The following CMYA5 variants were observed in gnomAD, a reference collection of about 807,000 sequenced individuals.
CMYA5 encodes cardiomyopathy associated 5.
A neutral mutation model predicts 318.9 loss-of-function variants in CMYA5; 246 were observed. That is an observed-to-expected ratio of 0.77 (90% CI 0.70 to 0.86). The LOEUF (loss-of-function observed/expected upper bound fraction) is 0.86. CMYA5 is among the 40% of genes least tolerant of loss of function. The pLI is 0.00. For missense variants in CMYA5, 4,589 were observed against 4,678.2 expected (o/e 0.98, Z 0.56); for synonymous variants, 1,641 against 1,729.5 (o/e 0.95, Z 1.27).
chr5:79,742,486 C>T (rs1460124336), intron 2 of CMYA5, among the ~76,000 whole-genome samples: 2 of 152,088 alleles, frequency 1.3e-5, no homozygotes, highest in African/African-American at 4.8e-5. Flanking sequence ...TGCAGCTGGC[C>T]AGTTGGCAAC....
chr5:79,730,716 A>C lies in CMYA5; in HGVS notation c.1951A>C (p.Ser651Arg), dbSNP rs57544556. The part of the protein sequence containing the change: ...YSPAAAPTSE[S>R]SLSPSTTEKT... ...CCCAGCTGCAGCCCCTACATCTGAG[A>C]GCTCTCTCTCACCATCCACAACTGA... Residue 651 changes from serine (S) to arginine (R), a missense_variant, in exon 2 of 13, where the codon AGC (serine) becomes CGC (arginine). Ser to Arg is a moderately radical substitution (Grantham distance 110). This residue lies in a region of CMYA5 where 2,132 missense variants were observed against 2,131.3 expected (regional missense o/e 1.00). Transcript: ENST00000446378. 189,824 of 1,613,654 alleles carry C rather than the reference A, an allele frequency of 0.12. 20,896 individuals are homozygous for C. Among genetic ancestry groups the C allele is most frequent in the African/African-American group, 0.51 (38,096 of 74,942 alleles).
In CMYA5 at chr5:79,731,569, CAGA is replaced by C. The variant is rs759309327; in HGVS notation, c.2811_2813del (p.Glu937del). Reference sequence around the variant, plus strand: ...GGTGCATCCTCACCCATGAATTTATCAGAAGAAGATCAAGAAGACATTGGACCT... The same window carrying C: ...GGTGCATCCTCACCCATGAATTTATCAGAAGATCAAGAAGACATTGGACCT... On this transcript the variant is annotated inframe_deletion, in exon 2 of 13. Coordinates refer to ENST00000446378, the MANE Select transcript of CMYA5 (RefSeq NM_153610.5). 6.8e-6 allele frequency: 11 copies of C among 1,610,328 alleles called. No homozygotes were observed. Among genetic ancestry groups the C allele is most frequent in the Middle Eastern group, 1.7e-4 (1 of 6,030 alleles).
chr5:79,732,629 A>G lies in CMYA5; in HGVS notation c.3864A>G (p.Thr1288=). The G allele has an allele frequency of 2.5e-6, 4 of 1,613,426 alleles. No homozygotes were observed. Among genetic ancestry groups the G allele is most frequent in the Non-Finnish European group, 3.4e-6 (4 of 1,179,684 alleles). Residue 1288 remains threonine, a synonymous_variant, in exon 2 of 13, where the codon ACA becomes ACG. Coordinates refer to ENST00000446378, the MANE Select transcript of CMYA5 (RefSeq NM_153610.5). ...AACCATATTCACCTCTAAAGGAAACATCTTTATCTGGACCTGAGGCTTTAT... is the reference window on the plus strand; with the variant it reads ...AACCATATTCACCTCTAAAGGAAACGTCTTTATCTGGACCTGAGGCTTTAT... ...VIKPYSPLKE[T]SLSGPEALSA...
Position 79,730,884 on chromosome 5 carries a change from A to T in CMYA5, c.2119A>T (p.Thr707Ser). ...TGAATATTCAGTTCCATCACTGGCA[A>T]CAAAAGAGTCACTGAAGAAAACAAT... ...ASEYSVPSLA[T>S]KESLKKTIDR... The change falls in exon 2 of 13, where the codon ACA becomes TCA. Residue 707 changes from threonine (T) to serine (S), a missense_variant. Around this residue, in one of 3 missense-constraint regions of CMYA5, gnomAD observed 2,132 missense variants for 2,131.3 expected, o/e 1.00. Transcript: ENST00000446378. 1 of 1,613,986 alleles carries T rather than the reference A, an allele frequency of 6.2e-7. No individual in the cohort carries two copies. The highest frequency in any genetic ancestry group is 8.5e-7 in the Non-Finnish European group (1 of 1,179,882).
chr5:79,784,939 C>A (rs1361984986), intron 9 of CMYA5, among the ~76,000 whole-genome samples: 2 of 152,108 alleles, frequency 1.3e-5, no homozygotes, highest in Non-Finnish European at 2.9e-5. Flanking sequence ...TCTTGGCTCC[C>A]AGTAATTTCA....
Position 79,714,435 on chromosome 5 carries a change from T to TTCTTTTTC in CMYA5, c.150-14479_150-14478insCTTTTTCT, listed in dbSNP as rs1198502450. ...TCTGATATCTTTTTTCTTTTTCTTT[T>TTCTTTTTC]TTTTTTTTTTTTTTTTGAGATGGGG... On this transcript the variant is annotated intron_variant, in intron 1 of 12. Transcript: ENST00000446378. 3.9e-4 allele frequency among the ~76,000 whole-genome samples: 54 copies of TTCTTTTTC among 138,172 alleles called. No homozygotes were observed. The East Asian group carries it at 7.6e-3, about 19-fold the overall frequency. 90.6% of individuals were successfully genotyped at this position (138,172 alleles called of 152,430 possible). A position where few individuals can be genotyped will look rare whatever the true frequency, so the allele number is the denominator to read the frequency against.
At chr5:79,751,600 T>A (rs1561219123) in intron 5 of CMYA5, among the ~76,000 whole-genome samples, 1 of 152,216 alleles carries the variant, frequency 6.6e-6, no homozygotes, top group Non-Finnish European at 1.5e-5. Flanking sequence ...ATCACTGAGA[T>A]CCTGATATCC....
chr5:79,747,142 C>T, intron 5 of CMYA5, 29 bp downstream of exon 5: 1 of 1,532,576 alleles, frequency 6.5e-7, no homozygotes, highest in East Asian at 2.5e-5. Context: ...AATGTAGTGG[C>T]AAACAGCATG....
rs77668772 is a variant in CMYA5 at position 79,778,697 on chromosome 5, G to C, written c.11556-10274G>C. Among the ~76,000 whole-genome samples, 1,228 of 150,910 alleles carry C rather than the reference G, an allele frequency of 8.1e-3. 25 individuals are homozygous for C. Among genetic ancestry groups the C allele is most frequent in the South Asian group, 0.068 (325 of 4,766 alleles). On this transcript the variant is annotated intron_variant, in intron 9 of 12. Transcript: ENST00000446378. The stretch of plus-strand genomic sequence containing the variant: ...TTCAAATCTTTAAAAATTTTTTACC[G>C]TGCATATTTTTTATAATAATTGAGT...
rs775173473 is a variant in CMYA5, at chr5:79,790,985, T to C, written c.11705T>C (p.Leu3902Ser). Residue 3902 changes from leucine to serine, a missense_variant, in exon 11 of 13, where the codon TTG (leucine) becomes TCG (serine). Coordinates refer to ENST00000446378, the MANE Select transcript of CMYA5 (RefSeq NM_153610.5). The part of the protein sequence containing the change: ...LISTRGTRFL[L>S]LRETAHPALH... ...CCTGCAATAGGAACCAGATTTCTCT[T>C]GTTGAGAGAAACAGCTCATCCTGCT... 2.5e-6 allele frequency: 4 copies of C among 1,612,622 alleles called. No homozygotes were observed. The Admixed American group carries it at 5.0e-5, about 20-fold the overall frequency.
Position 79,738,835 on chromosome 5 carries a change from G to C in CMYA5, c.10070G>C (p.Ser3357Thr), listed in dbSNP as rs201001003. The C allele has an allele frequency of 2.3e-4, 376 of 1,613,792 alleles. 1 individual carries two copies. The highest frequency in any genetic ancestry group is 8.2e-4 in the Middle Eastern group (5 of 6,080). ...CTGGAGCGTGCAGATGAAGCAGGCA[G>C]TCACGGTAATGAAGTCGGAAATGCA... Reference protein sequence around the residue: ...HVLERADEAGSHGNEVGNASP... With the variant: ...HVLERADEAGTHGNEVGNASP... The change falls in exon 2 of 13, where the codon AGT (serine) becomes ACT (threonine). Residue 3357 changes from serine (S) to threonine (T), a missense_variant. Ser to Thr is a moderately conservative substitution (Grantham distance 58). Coordinates refer to ENST00000446378, the MANE Select transcript of CMYA5 (RefSeq NM_153610.5).
rs557011810 is a variant in CMYA5, at chr5:79,770,881, A to C, written c.11555+7672A>C. Reference sequence around the variant, plus strand: ...AGTTGAAGACAGGCTTCACAAAATAATGATCAAAGGATGAATTAATATCGG... The same window carrying C: ...AGTTGAAGACAGGCTTCACAAAATACTGATCAAAGGATGAATTAATATCGG... On this transcript the variant is annotated intron_variant, in intron 9 of 12. Coordinates refer to ENST00000446378, the MANE Select transcript of CMYA5 (RefSeq NM_153610.5). Among the ~76,000 whole-genome samples, 45 of 152,286 alleles carry C rather than the reference A, an allele frequency of 3.0e-4. No homozygotes were observed. In the South Asian group the frequency reaches 9.2e-3, roughly 31 times the overall value.
At chr5:79,724,385 A>G (rs1827706255) in intron 1 of CMYA5, among the ~76,000 whole-genome samples, 1 of 152,206 alleles carries the variant, frequency 6.6e-6, no homozygotes, top group Non-Finnish European at 1.5e-5. Flanking sequence ...GCCTTAGCAA[A>G]TAGGAATAGA....
intron 1 of CMYA5, among the ~76,000 whole-genome samples, chr5:79,702,973 G>A (rs750558613): frequency 1.3e-5 from 2 of 152,110 alleles, no homozygotes; most frequent in African/African-American, 2.4e-5. Flanking sequence ...GTCTAAAAAC[G>A]GATGTGAAGG....
intron 1 of CMYA5, among the ~76,000 whole-genome samples, chr5:79,711,806 A>G (rs1827396231): frequency 6.6e-6 from 1 of 152,214 alleles, no homozygotes; most frequent in African/African-American, 2.4e-5. Context: ...TATAATGATT[A>G]ATTTTTCTTG....
chr5:79,757,821 C>T (rs1056155233), intron 6 of CMYA5, among the ~76,000 whole-genome samples: 6 of 152,210 alleles, frequency 3.9e-5, no homozygotes, highest in Non-Finnish European at 8.8e-5. Flanking sequence ...AGAGTATTCT[C>T]AAGTGATCCC....
chr5:79,705,487 T>G (rs952542728), intron 1 of CMYA5, among the ~76,000 whole-genome samples: 1 of 151,892 alleles, frequency 6.6e-6, no homozygotes, highest in African/African-American at 2.4e-5. Context: ...AACCCAAAGC[T>G]ACCATTAGTC....
chr5:79,770,429 G>A (rs1201321146), intron 9 of CMYA5, among the ~76,000 whole-genome samples: 3 of 151,898 alleles, frequency 2.0e-5, no homozygotes, highest in African/African-American at 7.3e-5. Flanking sequence ...AGGGCCTGGT[G>A]GTGTAGGCAC....
chr5:79,766,020 A>G (rs534243182), intron 9 of CMYA5, among the ~76,000 whole-genome samples: 52 of 152,174 alleles, frequency 3.4e-4, no homozygotes, highest in Non-Finnish European at 6.8e-4. Context: ...AATTTCCAAT[A>G]CTATGTTGAA....
Sources: allele counts gnomAD v4.1 joint callset (sites outside exome capture counted in the v4.1 genomes callset), GRCh38; gene constraint gnomAD v4.1.1; regional missense constraint gnomAD v4.1.1; transcripts MANE v1.5; gene names NCBI Gene and HGNC (gene_info 2026-07-23, HGNC 2026-07-21).